The following SIPA1L1 variants were observed in gnomAD, a reference collection of about 807,000 sequenced individuals.
The protein encoded by SIPA1L1 is signal induced proliferation associated 1 like 1.
SIPA1L1 carries 26 observed loss-of-function variants against 162.7 expected under a neutral mutation model. The ratio of observed to expected loss-of-function variants is 0.16; its 90% CI spans 0.12 to 0.22. SIPA1L1 has a LOEUF of 0.22. Among genes scored for constraint, SIPA1L1 ranks in the 10% least tolerant of loss-of-function variants. SIPA1L1 has a pLI of 1.00. For synonymous variants in SIPA1L1, 829 were observed against 837.4 expected (o/e 0.99, Z 0.17); for missense variants, 1,874 against 2,241.0 (o/e 0.84, Z 3.31).
intron 2 of SIPA1L1, among the ~76,000 whole-genome samples, chr14:71,378,341 C>T (rs1340394353): frequency 1.3e-5 from 2 of 151,930 alleles, no homozygotes; most frequent in Admixed American, 1.3e-4. Flanking sequence ...TTTTATTAAG[C>T]ATTTAAAATA....
chr14:71,718,288 G>A (rs990871201), intron 17 of SIPA1L1, among the ~76,000 whole-genome samples: 2 of 152,154 alleles, frequency 1.3e-5, no homozygotes, highest in Non-Finnish European at 2.9e-5. Flanking sequence ...AAAGAAGAAA[G>A]CCATACCAGT....
chr14:71,428,777 G>T (rs1301419616), intron 2 of SIPA1L1, among the ~76,000 whole-genome samples: 1 of 152,216 alleles, frequency 6.6e-6, no homozygotes, highest in Non-Finnish European at 1.5e-5. Flanking sequence ...AGAGGGCAGG[G>T]TCCTTTTTGC....
intron 2 of SIPA1L1, among the ~76,000 whole-genome samples, chr14:71,396,122 TA>T (rs1023168776): frequency 2.0e-4 from 29 of 148,106 alleles, no homozygotes; most frequent in Admixed American, 2.7e-4. Context: ...CCAGATCATT[TA>T]AAAAAAAAAA....
At chr14:71,692,944 T>C (rs4902945) in intron 13 of SIPA1L1, among the ~76,000 whole-genome samples, 38,604 of 152,008 alleles carry the variant, frequency 0.25, 6,284 homozygotes, top group Non-Finnish European at 0.35. Context: ...TGTGTGGCAG[T>C]GGGCAAGGTC....
intron 4 of SIPA1L1, among the ~76,000 whole-genome samples, chr14:71,567,392 A>G (rs1201753436): frequency 1.3e-5 from 2 of 152,236 alleles, no homozygotes; most frequent in African/African-American, 2.4e-5. Context: ...AAAAATGGAA[A>G]AACAGAAGCC....
intron 7 of SIPA1L1, among the ~76,000 whole-genome samples, chr14:71,641,296 A>AAAG (rs1302751875): frequency 6.6e-6 from 1 of 151,804 alleles, no homozygotes; most frequent in Non-Finnish European, 1.5e-5. Flanking sequence ...AAAAAAAAAA[A>AAAG]TCAAATATAG....
At chr14:71,518,856 T>C (rs751552166) in intron 3 of SIPA1L1, among the ~76,000 whole-genome samples, 9 of 152,156 alleles carry the variant, frequency 5.9e-5, no homozygotes, top group Admixed American at 3.9e-4. Flanking sequence ...CAGTTCTACA[T>C]GGCTGGGGAG....
chr14:71,614,120 A>G (rs2038545204), intron 5 of SIPA1L1, among the ~76,000 whole-genome samples: 1 of 152,030 alleles, frequency 6.6e-6, no homozygotes, highest in Non-Finnish European at 1.5e-5. Flanking sequence ...GAATTGCTTG[A>G]ACAATTGAAC....
chr14:71,552,648 G>A (rs1479596170), intron 4 of SIPA1L1, among the ~76,000 whole-genome samples: 3 of 151,814 alleles, frequency 2.0e-5, no homozygotes, highest in Non-Finnish European at 4.4e-5. Context: ...CGCCCGCCTC[G>A]GCCTCCCAGA....
At chr14:71,393,134 G>A (rs61991245) in intron 2 of SIPA1L1, among the ~76,000 whole-genome samples, 1 of 152,120 alleles carries the variant, frequency 6.6e-6, no homozygotes, top group Admixed American at 6.5e-5. Flanking sequence ...TATTCCAATA[G>A]GATATCGATA....
intron 4 of SIPA1L1, among the ~76,000 whole-genome samples, chr14:71,562,116 T>C (rs1423235443): frequency 1.3e-5 from 2 of 151,886 alleles, no homozygotes; most frequent in Non-Finnish European, 2.9e-5. Context: ...TATATTTTAT[T>C]CATAATATAT....
intron 5 of SIPA1L1, among the ~76,000 whole-genome samples, chr14:71,595,091 G>GT (rs1247989416): frequency 1.3e-5 from 2 of 152,164 alleles, no homozygotes; most frequent in Non-Finnish European, 2.9e-5. Context: ...CAAGCCAGAG[G>GT]TTTTTGGAAG....
rs1566741364 is a variant in SIPA1L1, at chr14:71,724,826, G to T, written c.4605G>T (p.Lys1535Asn). The change falls in exon 19 of 24, where the codon AAG becomes AAT. Residue 1535 changes from lysine (K) to asparagine (N), a missense_variant. By Grantham distance (94) the Lys-to-Asn change is moderately conservative. Around this residue, in one of 5 missense-constraint regions of SIPA1L1, gnomAD observed 936 missense variants for 1,051.9 expected, o/e 0.89. Transcript: ENST00000381232. ...DLESPTPESQ[K>N]SFKFHALSSP... ...AAAGCCCAACTCCTGAATCACAGAAGAGTTTTAAGGTACAAGACAGAGCTC... is the reference window on the plus strand; with the variant it reads ...AAAGCCCAACTCCTGAATCACAGAATAGTTTTAAGGTACAAGACAGAGCTC... The T allele has an allele frequency of 6.2e-7, 1 of 1,613,958 alleles. No homozygotes were observed.
intron 2 of SIPA1L1, among the ~76,000 whole-genome samples, chr14:71,375,722 CA>C (rs2039312943): frequency 6.6e-6 from 1 of 152,074 alleles, no homozygotes; most frequent in Non-Finnish European, 1.5e-5. Context: ...TATTTGTCCT[CA>C]GTTATTTGAT....
At chr14:71,567,788 T>G (rs2031028443) in intron 4 of SIPA1L1, among the ~76,000 whole-genome samples, 1 of 147,466 alleles carries the variant, frequency 6.8e-6, no homozygotes, top group African/African-American at 2.5e-5. Context: ...TGGAGCAAAC[T>G]TATAGTTATT....
At chr14:71,405,735 A>G (rs936396075) in intron 2 of SIPA1L1, among the ~76,000 whole-genome samples, 1 of 152,116 alleles carries the variant, frequency 6.6e-6, no homozygotes, top group African/African-American at 2.4e-5. Flanking sequence ...AAATACTGAT[A>G]CTTTGGCTAC....
intron 4 of SIPA1L1, among the ~76,000 whole-genome samples, chr14:71,534,880 G>A (rs2053756999): frequency 6.6e-6 from 1 of 152,158 alleles, no homozygotes; most frequent in African/African-American, 2.4e-5. Context: ...ACTATAATTT[G>A]ATCCTTTAGT....
chr14:71,498,179 T>C (rs934626566), intron 2 of SIPA1L1, among the ~76,000 whole-genome samples: 2 of 152,212 alleles, frequency 1.3e-5, no homozygotes, highest in African/African-American at 4.8e-5. Flanking sequence ...ATGTTAACCT[T>C]TTCTGAGAAA....
chr14:71,581,450 G>A (rs985833789), intron 4 of SIPA1L1, among the ~76,000 whole-genome samples: 2 of 152,092 alleles, frequency 1.3e-5, no homozygotes, highest in African/African-American at 2.4e-5. Flanking sequence ...TCTTGAATTT[G>A]AGCATAGTTT....
Sources: gnomAD v4.1 joint callset for allele counts (sites outside exome capture counted in the v4.1 genomes callset) on GRCh38, gnomAD v4.1.1 for gene constraint, gnomAD v4.1.1 regional missense constraint, MANE v1.5 for transcripts, NCBI Gene and HGNC (gene_info 2026-07-23, HGNC 2026-07-21) for gene names.